Variants in CAPN2 observed in about 807,000 individuals in gnomAD.
CAPN2 encodes the protein calpain 2.
In CAPN2, 92 loss-of-function variants were observed where a neutral mutation model predicts 102.3. The ratio of observed to expected loss-of-function variants is 0.90; its 90% CI spans 0.76 to 1.07. The LOEUF is 1.07. Ranked by LOEUF, CAPN2 falls within the 50% of genes least tolerant of loss-of-function variation. The pLI, the probability that CAPN2 is intolerant of heterozygous loss-of-function variation, is 0.00. For missense variants in CAPN2, 800 were observed against 909.4 expected, an observed-to-expected ratio of 0.88 and a Z score of 1.55; for synonymous variants, 340 against 355.4, an observed-to-expected ratio of 0.96 and a Z score of 0.49.
Position 223,766,369 on chromosome 1 carries a change from C to T in CAPN2, c.1693C>T (p.Gln565Ter), listed in dbSNP as rs1314874514. 3 of 1,613,088 alleles carry T rather than the reference C, an allele frequency of 1.9e-6. No individual in the cohort carries two copies. Among genetic ancestry groups the T allele is most frequent in the South Asian group, 2.2e-5 (2 of 91,066 alleles). ...GTCACACTGATTTTGTCTTTTAGGCCAAGATATCAAGTCAGATGGCTTCAG... is the reference window on the plus strand; with the variant it reads ...GTCACACTGATTTTGTCTTTTAGGCTAAGATATCAAGTCAGATGGCTTCAG... Reference protein sequence around the residue: ...TILRRVLAKRQDIKSDGFSIE... With the variant: ...TILRRVLAKR The change falls in exon 16 of 21, where the codon CAA becomes TAA. Residue 565 changes from glutamine (Q) to a stop codon, truncating the protein, a stop_gained and splice_region_variant. Transcript: ENST00000295006. LOFTEE classifies it high-confidence loss of function.
At chr1:223,744,060 T>C (rs1330080774) in intron 2 of CAPN2, 40 bp from the exon 3 acceptor site, 1 of 1,369,562 alleles carries the variant, frequency 7.3e-7, no homozygotes, top group Non-Finnish European at 1.0e-6. Context: ...CTCCTGGTTC[T>C]AAGACCCTCT....
At chr1:223,762,103 G>T in intron 13 of CAPN2, 83 bp from the exon 14 acceptor site, 1 of 1,170,542 alleles carries the variant, frequency 8.5e-7, no homozygotes. Context: ...GGGAGTGGGA[G>T]GTGGCTGCCA....
intron 2 of CAPN2, among the ~76,000 whole-genome samples, chr1:223,723,374 C>A (rs899404982): frequency 6.6e-5 from 10 of 152,152 alleles, no homozygotes; most frequent in African/African-American, 2.4e-4. Flanking sequence ...TGTTTAAAGA[C>A]TAGCAAATAG....
rs1660223429 is a variant in CAPN2, at chr1:223,727,329, A to C, written c.307+9498A>C. ...AACTGACTGGATAATTGTTCATTGTAGGGGGCTGTCCTGTGAATTATAGGA... is the reference window on the plus strand; with the variant it reads ...AACTGACTGGATAATTGTTCATTGTCGGGGGCTGTCCTGTGAATTATAGGA... On this transcript the variant is annotated intron_variant, in intron 2 of 20. Coordinates refer to ENST00000295006, the MANE Select transcript of CAPN2 (RefSeq NM_001748.5). This position sits in a 1 kb window ranked among gnomAD's most constrained non-coding sequence, Gnocchi z 4.1. Among the ~76,000 whole-genome samples, 1 of 152,246 alleles carries C rather than the reference A, an allele frequency of 6.6e-6. No individual in the cohort carries two copies. The highest frequency in any genetic ancestry group is 2.4e-5 in the African/African-American group (1 of 41,466).
At chr1:223,714,688 CTTTACAG>C (rs1042058780) in intron 1 of CAPN2, among the ~76,000 whole-genome samples, 6 of 151,304 alleles carry the variant, frequency 4.0e-5, no homozygotes, top group Non-Finnish European at 8.8e-5. Flanking sequence ...TTGCATGGCA[CTTTACAG>C]TTTACATAGT....
chr1:223,747,910 G>C (rs1486148400), intron 5 of CAPN2, among the ~76,000 whole-genome samples: 1 of 152,192 alleles, frequency 6.6e-6, no homozygotes, highest in East Asian at 1.9e-4. Flanking sequence ...GGAAGCCAAG[G>C]GTTGCTAGGC....
chr1:223,767,194 T>G (rs893746109), intron 16 of CAPN2, among the ~76,000 whole-genome samples: 4 of 148,782 alleles, frequency 2.7e-5, no homozygotes, highest in African/African-American at 1.0e-4. Context: ...ATTTATTTAT[T>G]TTTTATTATT....
At chr1:223,707,947 C>T (rs528631907), upstream of CAPN2, among the ~76,000 whole-genome samples, 52 of 152,354 alleles carry the variant, frequency 3.4e-4, no homozygotes, top group African/African-American at 1.2e-3. Flanking sequence ...CTCTGCCCCA[C>T]TGGGCAGAAG....
In CAPN2 at chr1:223,754,725, G is replaced by A. The variant is rs1282023532; in HGVS notation, c.1136-755G>A. On this transcript the variant is annotated intron_variant, in intron 9 of 20. Transcript: ENST00000295006. The surrounding 1 kb of genome is among the most constrained non-coding windows in gnomAD (Gnocchi z 4.7). ...GGCAGAGACATCAGGAGCAGGGCAA[G>A]GGAATAGGCCTGAGAGGACAAGGGA... is the stretch of plus-strand genomic sequence containing the variant. Among the ~76,000 whole-genome samples the A allele has an allele frequency of 6.6e-6, 1 of 152,238 alleles. No homozygotes were observed. Among genetic ancestry groups the A allele is most frequent in the African/African-American group, 2.4e-5 (1 of 41,454 alleles).
Position 223,754,883 on chromosome 1 carries a change from T to A in CAPN2, c.1136-597T>A, listed in dbSNP as rs975710237. On this transcript the variant is annotated intron_variant, in intron 9 of 20. Transcript: ENST00000295006. This position sits in a 1 kb window ranked among gnomAD's most constrained non-coding sequence, Gnocchi z 4.7. ...AGGCCAGCCGAGCCCCGCCCCAGGC[T>A]CCCCATCAGAGCCCAGTGAAGAGAA... is the stretch of plus-strand genomic sequence containing the variant. Among the ~76,000 whole-genome samples the A allele has an allele frequency of 6.6e-6, 1 of 151,846 alleles. No homozygotes were observed. Among genetic ancestry groups the A allele is most frequent in the African/African-American group, 2.4e-5 (1 of 41,316 alleles).
intron 2 of CAPN2, among the ~76,000 whole-genome samples, chr1:223,724,346 G>A (rs1394791805): frequency 6.6e-6 from 1 of 152,112 alleles, no homozygotes; most frequent in Non-Finnish European, 1.5e-5. Context: ...TGAGCCCCAG[G>A]AGGAGGTGGC....
In CAPN2 at chr1:223,743,748, G is replaced by A. The variant is rs190984603; in HGVS notation, c.308-352G>A. ...ATTCTCTCACTGTGGAGCATCTGCT[G>A]CGAATCAGGTGCAAGGCTGGGCTCT... On this transcript the variant is annotated intron_variant, in intron 2 of 20. Transcript: ENST00000295006. Among the ~76,000 whole-genome samples, 403 of 152,330 alleles carry A rather than the reference G, an allele frequency of 2.6e-3. 2 individuals carry two copies. The highest frequency in any genetic ancestry group is 0.017 in the South Asian group (80 of 4,832).
intron 16 of CAPN2, 95 bp downstream of exon 16, chr1:223,766,526 T>C (rs1244443244): frequency 8.0e-6 from 8 of 996,002 alleles, no homozygotes; most frequent in South Asian, 6.8e-5. Context: ...CTTTTCAAAA[T>C]AGCCAGTTGT....
chr1:223,741,975 A>G (rs1043683678), intron 2 of CAPN2, among the ~76,000 whole-genome samples: 2 of 152,156 alleles, frequency 1.3e-5, no homozygotes, highest in Non-Finnish European at 2.9e-5. Context: ...TCCGCTTACC[A>G]TAGATCTGTC....
chr1:223,732,121 G>A (rs1372263627), intron 2 of CAPN2, among the ~76,000 whole-genome samples: 2 of 152,126 alleles, frequency 1.3e-5, no homozygotes, highest in Non-Finnish European at 2.9e-5. Flanking sequence ...TCACGGTGTG[G>A]GGGTGGAGAC....
rs1048537934 is a variant in CAPN2, at chr1:223,712,941, C to T, written c.237+64C>T. 8 of 1,192,938 alleles carry T rather than the reference C, an allele frequency of 6.7e-6. No individual in the cohort carries two copies. The Admixed American group carries it at 2.6e-4, about 39-fold the overall frequency. 73.9% of individuals were successfully genotyped at this position (1,192,938 alleles called of 1,614,324 possible). On this transcript the variant is annotated intron_variant, in intron 1 of 20. Coordinates refer to ENST00000295006, the MANE Select transcript of CAPN2 (RefSeq NM_001748.5). Reference sequence around the variant, plus strand: ...CCGGGCAGGGCGGGGTGCAGGCCGGCCCGCGGCGCGCTGGGGCGGGGGGCA... The same window carrying T: ...CCGGGCAGGGCGGGGTGCAGGCCGGTCCGCGGCGCGCTGGGGCGGGGGGCA...
At chr1:223,723,131 G>A (rs1571785271) in intron 2 of CAPN2, among the ~76,000 whole-genome samples, 1 of 152,078 alleles carries the variant, frequency 6.6e-6, no homozygotes, top group East Asian at 1.9e-4. Context: ...GACCAGCTTG[G>A]GCAACATAGC....
intron 5 of CAPN2, 113 bp from the exon 6 acceptor site, chr1:223,748,926 C>A: frequency 1.1e-6 from 1 of 937,912 alleles, no homozygotes. Context: ...CAGGCCTCGG[C>A]CGCTGCGCTA....
rs1660915782 is a variant in CAPN2 at position 223,752,055 on chromosome 1, G to A, written c.958G>A (p.Glu320Lys). ...GAGGGAAAGGCTGACCAGACGGCAT[G>A]AAGATGGAGAATTCTGGTAAGATTA... ...EERERLTRRH[E>K]DGEFWMSFSD... The change falls in exon 8 of 21, where the codon GAA becomes AAA. Residue 320 changes from glutamate to lysine, a missense_variant. Glu to Lys is a moderately conservative substitution (Grantham distance 56, BLOSUM62 1). Coordinates refer to ENST00000295006, the MANE Select transcript of CAPN2 (RefSeq NM_001748.5). The A allele has an allele frequency of 1.2e-6, 2 of 1,611,630 alleles. No homozygotes were observed. The highest frequency in any genetic ancestry group is 2.7e-5 in the African/African-American group (2 of 74,868).
Sources: gnomAD v4.1 joint callset for allele counts (sites outside exome capture counted in the v4.1 genomes callset) on GRCh38, gnomAD v4.1.1 for gene constraint, Gnocchi (gnomAD v3.1) non-coding constraint, MANE v1.5 for transcripts, NCBI Gene and HGNC (gene_info 2026-07-23, HGNC 2026-07-21) for gene names.